TEC: variants seen among roughly 807,000 people sequenced by gnomAD.
TEC encodes the protein tec protein tyrosine kinase.
A neutral mutation model predicts 93.0 loss-of-function variants in TEC; 72 were observed. The observed-to-expected ratio is 0.77, with a 90% confidence interval of 0.64 to 0.94. The LOEUF (loss-of-function observed/expected upper bound fraction) is 0.94. Ranked by LOEUF, TEC falls within the 40% of genes least tolerant of loss-of-function variation. The pLI is 0.00. For synonymous variants in TEC, 249 were observed against 247.7 expected, an observed-to-expected ratio of 1.01 and a Z score of -0.05; for missense variants, 630 against 757.9, an observed-to-expected ratio of 0.83 and a Z score of 1.98.
chr4:48,244,211 C>T (rs7662355), intron 1 of TEC, among the ~76,000 whole-genome samples: 63,332 of 152,006 alleles, frequency 0.42, 13,363 homozygotes, highest in Middle Eastern at 0.5. Context: ...CACGTTTCTA[C>T]TATTTAAAAG....
chr4:48,140,601 G>A (rs1308588331), intron 15 of TEC, among the ~76,000 whole-genome samples: 1 of 152,244 alleles, frequency 6.6e-6, no homozygotes, highest in African/African-American at 2.4e-5. Flanking sequence ...CTCTGCATCT[G>A]TAGCAGGAAA....
At chr4:48,193,536 G>C (rs758484566) in intron 2 of TEC, among the ~76,000 whole-genome samples, 1 of 152,120 alleles carries the variant, frequency 6.6e-6, no homozygotes, top group Non-Finnish European at 1.5e-5. Context: ...AGAGATAAAC[G>C]TAACTACTGT....
At chr4:48,204,320 C>A (rs73814692) in intron 2 of TEC, among the ~76,000 whole-genome samples, 4,128 of 152,244 alleles carry the variant, frequency 0.027, 172 homozygotes, top group African/African-American at 0.093. Context: ...AGTTAAAAAC[C>A]GTGGACACTG....
intron 2 of TEC, among the ~76,000 whole-genome samples, chr4:48,183,417 G>A (rs2109568783): frequency 6.6e-6 from 1 of 152,332 alleles, no homozygotes; most frequent in Non-Finnish European, 1.5e-5. Context: ...GGTGTTCCTG[G>A]AAGAGATTAG....
chr4:48,196,566 T>C (rs1722307425), intron 2 of TEC, among the ~76,000 whole-genome samples: 1 of 152,192 alleles, frequency 6.6e-6, no homozygotes, highest in African/African-American at 2.4e-5. Context: ...ATACTAGCCC[T>C]TAGGAAACCT....
Position 48,167,810 on chromosome 4 carries a change from A to T in TEC, c.639T>A (p.Asp213Glu), listed in dbSNP as rs1226010019. 1 of 1,613,796 alleles carries T rather than the reference A, an allele frequency of 6.2e-7. No homozygotes were observed. Residue 213 changes from aspartate to glutamate, a missense_variant, in exon 7 of 18, where the codon GAT (aspartate) becomes GAA (glutamate). Around this residue, in one of 3 missense-constraint regions of TEC, gnomAD observed 335 missense variants for 351.5 expected, o/e 0.95. Transcript: ENST00000381501. ...GQEYLILEKN[D>E]VHWWRARDKY... ...TATCTCTTGCTCTCCACCAATGAAC[A>T]TCATTCTTTTCTAAAATGAGATACT...
At chr4:48,169,083 G>C (rs760261130) in intron 5 of TEC, among the ~76,000 whole-genome samples, 2 of 152,104 alleles carry the variant, frequency 1.3e-5, no homozygotes, top group Non-Finnish European at 2.9e-5. Context: ...TCTAATCAAA[G>C]GATTCTGTGT....
intron 3 of TEC, among the ~76,000 whole-genome samples, chr4:48,171,827 C>T (rs1271319292): frequency 6.6e-6 from 1 of 152,254 alleles, no homozygotes; most frequent in Non-Finnish European, 1.5e-5. Context: ...CCTTTTGCCA[C>T]TATCAATAAT....
intron 2 of TEC, among the ~76,000 whole-genome samples, chr4:48,196,311 A>C (rs1469437794): frequency 6.6e-6 from 1 of 152,200 alleles, no homozygotes; most frequent in Non-Finnish European, 1.5e-5. Context: ...AAAAAGTCTG[A>C]AGCCCAACTG....
chr4:48,184,770 TACAC>T (rs58704241), intron 2 of TEC, among the ~76,000 whole-genome samples: 8,876 of 140,966 alleles, frequency 0.063, 278 homozygotes, highest in Middle Eastern at 0.1. Context: ...ACAAAAAAAA[TACAC>T]ACACACACAC....
intron 2 of TEC, among the ~76,000 whole-genome samples, chr4:48,212,157 A>T (rs1313036769): frequency 2.0e-5 from 3 of 149,600 alleles, no homozygotes; most frequent in African/African-American, 7.3e-5. Context: ...TCACAGAAAT[A>T]TTTTTTTTCT....
chr4:48,180,687 C>CT (rs1467659371), intron 2 of TEC, among the ~76,000 whole-genome samples: 3 of 152,116 alleles, frequency 2.0e-5, no homozygotes, highest in Non-Finnish European at 4.4e-5. Context: ...GCTCAGGGTG[C>CT]TTTAGGAGGC....
At chr4:48,174,058 G>C (rs888835446) in intron 3 of TEC, among the ~76,000 whole-genome samples, 1 of 152,162 alleles carries the variant, frequency 6.6e-6, no homozygotes, top group African/African-American at 2.4e-5. Flanking sequence ...GTTATAATAA[G>C]AGAGGGTATT....
intron 2 of TEC, among the ~76,000 whole-genome samples, chr4:48,216,616 T>C (rs1015201659): frequency 6.6e-6 from 1 of 152,210 alleles, no homozygotes; most frequent in African/African-American, 2.4e-5. Context: ...TTATTTCAAC[T>C]ACAATGCCAT....
chr4:48,149,623 G>C lies in TEC; in HGVS notation c.940C>G (p.Leu314Val). 1 of 1,612,260 alleles carries C rather than the reference G, an allele frequency of 6.2e-7. No homozygotes were observed. Among genetic ancestry groups the C allele is most frequent in the Non-Finnish European group, 8.5e-7 (1 of 1,179,326 alleles). The change falls in exon 11 of 18, where the codon CTA becomes GTA. Residue 314 changes from leucine to valine, a missense_variant. Coordinates refer to ENST00000381501, the MANE Select transcript of TEC (RefSeq NM_003215.3). ...GAGCCAAAAGCATGTTTTTCAGCTA[G>C]GTAATACTTCTTTGGAGATGTTGTT... ...ETTTSPKKYY[L>V]AEKHAFGSIP...
chr4:48,196,013 G>A (rs367693166), intron 2 of TEC, among the ~76,000 whole-genome samples: 6 of 152,256 alleles, frequency 3.9e-5, no homozygotes, highest in African/African-American at 1.4e-4. Flanking sequence ...CCTTCTGGTG[G>A]TACAGAGATA....
At chr4:48,268,908 C>G (rs1724708704) in intron 1 of TEC, among the ~76,000 whole-genome samples, 1 of 152,012 alleles carries the variant, frequency 6.6e-6, no homozygotes, top group Non-Finnish European at 1.5e-5. Flanking sequence ...AGATTGTTTC[C>G]AAACCTGGTA....
chr4:48,198,076 C>G (rs1331526906), intron 2 of TEC, among the ~76,000 whole-genome samples: 4 of 152,242 alleles, frequency 2.6e-5, no homozygotes, highest in Non-Finnish European at 5.9e-5. Context: ...TTCCGCCCTT[C>G]CTGTCCAAGA....
At chr4:48,168,047 A>C (rs1720945778) in intron 6 of TEC, 94 bp from the exon 7 acceptor site, 1 of 1,092,186 alleles carries the variant, frequency 9.2e-7, no homozygotes, top group African/African-American at 1.6e-5. Context: ...ACCACAGAAT[A>C]AACTAGAAAC....
Sources: allele counts gnomAD v4.1 joint callset (sites outside exome capture counted in the v4.1 genomes callset), GRCh38; gene constraint gnomAD v4.1.1; regional missense constraint gnomAD v4.1.1; transcripts MANE v1.5; gene names NCBI Gene and HGNC (gene_info 2026-07-23, HGNC 2026-07-21).